Variants in ACTR3B observed in about 807,000 individuals in gnomAD.
The protein encoded by ACTR3B is actin related protein 3B, also known as actin-related protein 3B.
In ACTR3B, 8 loss-of-function variants were observed where a neutral mutation model predicts 59.0. That is an observed-to-expected ratio of 0.14 (90% CI 0.08 to 0.24). The LOEUF (loss-of-function observed/expected upper bound fraction) is 0.24, where lower values mean the gene tolerates loss of function less well. Ranked by LOEUF, ACTR3B falls within the 10% of genes least tolerant of loss-of-function variation. The pLI, the probability that ACTR3B is intolerant of heterozygous loss-of-function variation, is 1.00. For synonymous variants in ACTR3B, 148 were observed against 197.9 expected (o/e 0.75, Z 2.12); for missense variants, 245 against 552.3 (o/e 0.44, Z 5.58).
chr7:152,829,666 G>T (rs1484229051), intron 9 of ACTR3B, among the ~76,000 whole-genome samples: 2 of 152,118 alleles, frequency 1.3e-5, no homozygotes, highest in Non-Finnish European at 2.9e-5. Context: ...GTCCCACCCT[G>T]GGAGATTCTG....
At chr7:152,844,182 T>G (rs891412632) in intron 9 of ACTR3B, among the ~76,000 whole-genome samples, 1 of 152,064 alleles carries the variant, frequency 6.6e-6, no homozygotes, top group African/African-American at 2.4e-5. Flanking sequence ...CTCAGCCTCC[T>G]GAGTAGCTGG....
At chr7:152,788,519 C>G (rs1419626555) in intron 2 of ACTR3B, among the ~76,000 whole-genome samples, 1 of 149,178 alleles carries the variant, frequency 6.7e-6, no homozygotes, top group Non-Finnish European at 1.5e-5. Flanking sequence ...TCAAGCGATT[C>G]TCCTGCCCTC....
At chr7:152,766,208 G>A (rs762869969) in intron 1 of ACTR3B, among the ~76,000 whole-genome samples, 5 of 152,180 alleles carry the variant, frequency 3.3e-5, no homozygotes, top group Non-Finnish European at 4.4e-5. Flanking sequence ...AGAGGAAACC[G>A]GGGCAAGCTT....
At chr7:152,794,949 G>A (rs2116698126) in intron 2 of ACTR3B, among the ~76,000 whole-genome samples, 1 of 152,054 alleles carries the variant, frequency 6.6e-6, no homozygotes, top group Admixed American at 6.6e-5. Context: ...TGGGGAAAGT[G>A]ATTTCTGCCC....
chr7:152,818,894 T>G (rs1795928751), intron 6 of ACTR3B, among the ~76,000 whole-genome samples: 2 of 152,226 alleles, frequency 1.3e-5, no homozygotes, highest in South Asian at 4.1e-4. Flanking sequence ...TTAACCCTAG[T>G]TTTTTTCTCT....
chr7:152,798,443 G>A (rs1017166035), intron 2 of ACTR3B, among the ~76,000 whole-genome samples: 7 of 152,124 alleles, frequency 4.6e-5, no homozygotes, highest in African/African-American at 1.7e-4. Context: ...CTTTTGTCAG[G>A]TAGATAGTTT....
At chr7:152,795,583 A>G (rs968591124) in intron 2 of ACTR3B, among the ~76,000 whole-genome samples, 4 of 152,238 alleles carry the variant, frequency 2.6e-5, no homozygotes, top group African/African-American at 9.6e-5. Context: ...TTGAGAGGTA[A>G]CAGGGTAAAT....
chr7:152,854,062 A>G lies in ACTR3B; in HGVS notation c.1162-396A>G, dbSNP rs1799062684. Among the ~76,000 whole-genome samples, 1 of 152,160 alleles carries G rather than the reference A, an allele frequency of 6.6e-6. No individual in the cohort carries two copies. The highest frequency in any genetic ancestry group is 2.4e-5 in the African/African-American group (1 of 41,434). The stretch of plus-strand genomic sequence containing the variant: ...CTATATCTTAATAATCACACAACAC[A>G]TTTATCACGTGTCCTTGCTAATTAG... On this transcript the variant is annotated intron_variant, in intron 11 of 11. Transcript: ENST00000256001. This position sits in a 1 kb window ranked among gnomAD's most constrained non-coding sequence, Gnocchi z 4.9.
intron 4 of ACTR3B, among the ~76,000 whole-genome samples, chr7:152,804,928 CCGGGCAGACA>C (rs1563110787): frequency 1.3e-5 from 2 of 152,042 alleles, no homozygotes; most frequent in Non-Finnish European, 2.9e-5. Flanking sequence ...ATTAAGGAGC[CCGGGCAGACA>C]TTGTATTGAG....
At chr7:152,791,341 T>C (rs1188593220) in intron 2 of ACTR3B, among the ~76,000 whole-genome samples, 1 of 152,206 alleles carries the variant, frequency 6.6e-6, no homozygotes, top group Non-Finnish European at 1.5e-5. Flanking sequence ...CTTTTTAGTT[T>C]TGATTCATCA....
Position 152,759,892 on chromosome 7 carries a change from TC to T in ACTR3B, c.13del (p.Leu5CysfsTer39). The T allele has an allele frequency of 7.3e-7, 1 of 1,371,042 alleles. No individual in the cohort carries two copies. Among genetic ancestry groups the T allele is most frequent in the Non-Finnish European group, 9.5e-7 (1 of 1,052,676 alleles). 84.9% of individuals were successfully genotyped at this position (1,371,042 alleles called of 1,614,324 possible). A position where few individuals can be genotyped will look rare whatever the true frequency, so the allele number is the denominator to read the frequency against. On this transcript the variant is annotated frameshift_variant, in exon 1 of 12. Coordinates refer to ENST00000256001, the MANE Select transcript of ACTR3B (RefSeq NM_020445.6). LOFTEE classifies it high-confidence loss of function. ...GCCGCGCGTCCCGAGCATGGCAGGC[TC>T]CCTGCCTCCCTGCGTGGTGGACTGT... The part of the protein sequence containing the change: MAG[S>X]LPPCVVDCGT...
At chr7:152,820,200 G>A in intron 6 of ACTR3B, 99 bp from the exon 7 acceptor site, 1 of 1,557,248 alleles carries the variant, frequency 6.4e-7, no homozygotes, top group South Asian at 1.2e-5. Context: ...GTGCCATGAG[G>A]GGCAGACAGG....
intron 2 of ACTR3B, among the ~76,000 whole-genome samples, chr7:152,790,212 C>T (rs1312664978): frequency 2.0e-5 from 3 of 152,230 alleles, no homozygotes; most frequent in Non-Finnish European, 4.4e-5. Flanking sequence ...GTCCTGGTCT[C>T]GAACTTCTGG....
rs2098083495 is a variant in ACTR3B at position 152,759,860 on chromosome 7, GC to G, written c.-21del. ...GGGGCGCTCTCGGGCTGCCGGCGGGGCCGAGCGCCGCGCGTCCCGAGCATGG... is the reference window on the plus strand; with the variant it reads ...GGGGCGCTCTCGGGCTGCCGGCGGGGCGAGCGCCGCGCGTCCCGAGCATGG... On this transcript the variant is annotated 5_prime_UTR_variant, in exon 1 of 12. Transcript: ENST00000256001. 2 of 1,292,574 alleles carry G rather than the reference GC, an allele frequency of 1.5e-6. No homozygotes were observed. The highest frequency in any genetic ancestry group is 3.2e-5 in the Admixed American group (1 of 31,488). The allele number at this position is 1,292,574 out of a possible 1,614,324, so 80.1% of individuals were successfully genotyped here.
chr7:152,763,803 C>A (rs1442806548), intron 1 of ACTR3B, among the ~76,000 whole-genome samples: 2 of 152,098 alleles, frequency 1.3e-5, no homozygotes, highest in Non-Finnish European at 2.9e-5. Context: ...ATTCTGTCTC[C>A]ATTTATTAGT....
chr7:152,784,692 C>A (rs1255627203), intron 2 of ACTR3B, among the ~76,000 whole-genome samples: 1 of 152,160 alleles, frequency 6.6e-6, no homozygotes, highest in Non-Finnish European at 1.5e-5. Context: ...GGGTTGGTTT[C>A]CGGTGAGGCC....
At chr7:152,816,242 C>A (rs979062757) in intron 5 of ACTR3B, among the ~76,000 whole-genome samples, 1 of 152,200 alleles carries the variant, frequency 6.6e-6, no homozygotes, top group African/African-American at 2.4e-5. Context: ...TCACCACAGT[C>A]AGCCACGTTT....
At chr7:152,840,447 C>T (rs1195291223) in intron 9 of ACTR3B, among the ~76,000 whole-genome samples, 6 of 152,202 alleles carry the variant, frequency 3.9e-5, no homozygotes, top group Non-Finnish European at 7.4e-5. Context: ...CAGATGAGGG[C>T]GTGGGAGCCC....
At position 152,854,436 on chromosome 7, in the gene ACTR3B, G is replaced by C; in HGVS notation, c.1162-22G>C. ...TTTCTTCTGAAATGAGTGTCTTTCT[G>C]TCTGCCTGTTGCCTCTCGTAGCCCG... On this transcript the variant is annotated intron_variant, in intron 11 of 11. Coordinates refer to ENST00000256001, the MANE Select transcript of ACTR3B (RefSeq NM_020445.6). The surrounding 1 kb of genome is among the most constrained non-coding windows in gnomAD (Gnocchi z 4.9). 6.2e-7 allele frequency: 1 copy of C among 1,606,542 alleles called. No individual in the cohort carries two copies. Among genetic ancestry groups the C allele is most frequent in the Non-Finnish European group, 8.5e-7 (1 of 1,173,200 alleles).
Sources: gnomAD v4.1 joint callset for allele counts (sites outside exome capture counted in the v4.1 genomes callset) on GRCh38, gnomAD v4.1.1 for gene constraint, Gnocchi (gnomAD v3.1) non-coding constraint, MANE v1.5 for transcripts, NCBI Gene and HGNC (gene_info 2026-07-23, HGNC 2026-07-21) for gene names.